SHQ1: variants seen among roughly 807,000 people sequenced by gnomAD.
The protein encoded by SHQ1 is protein SHQ1 homolog.
Under a neutral mutation model 53.8 loss-of-function variants are expected in SHQ1, and 49 were observed. That is an observed-to-expected ratio of 0.91 (90% CI 0.72 to 1.16). The LOEUF is 1.16. Ranked by LOEUF, SHQ1 falls within the 50% of genes most tolerant of loss-of-function variation. SHQ1 has a pLI of 0.00. For synonymous variants in SHQ1, 243 were observed against 251.0 expected (o/e 0.97, Z 0.30); for missense variants, 738 against 683.1 (o/e 1.08, Z -0.90).
intron 10 of SHQ1, among the ~76,000 whole-genome samples, chr3:72,786,451 A>T (rs1400431116): frequency 6.6e-6 from 1 of 152,166 alleles, no homozygotes. Context: ...TCCCTTCTGT[A>T]CTATAACCTA....
intron 10 of SHQ1, among the ~76,000 whole-genome samples, chr3:72,779,145 G>T (rs1234539277): frequency 1.3e-5 from 2 of 152,140 alleles, no homozygotes; most frequent in African/African-American, 4.8e-5. Context: ...GCACTATACT[G>T]TCTGGGCTCT....
At chr3:72,797,554 A>T (rs1031958143) in intron 9 of SHQ1, among the ~76,000 whole-genome samples, 1 of 152,252 alleles carries the variant, frequency 6.6e-6, no homozygotes, top group Non-Finnish European at 1.5e-5. Context: ...CACATTTTAA[A>T]TTATATTTTT....
chr3:72,753,570 G>C (rs1705435149), intron 10 of SHQ1: 3 of 985,412 alleles, frequency 3.0e-6, no homozygotes, highest in Non-Finnish European at 3.6e-6. Context: ...AGTGCGGTGA[G>C]TGGGACAAGG....
At chr3:72,840,752 A>G (rs1708155980) in intron 4 of SHQ1, among the ~76,000 whole-genome samples, 1 of 152,128 alleles carries the variant, frequency 6.6e-6, no homozygotes, top group Non-Finnish European at 1.5e-5. Context: ...CTTTGCAGGA[A>G]GTATGAGAGA....
the SHQ1 span, among the ~76,000 whole-genome samples, chr3:72,743,125 G>A: frequency 4.7e-4 from 72 of 152,302 alleles, no homozygotes; most frequent in African/African-American, 1.6e-3. Context: ...CCCTCTGCAC[G>A]CTACCCTGTT....
Position 72,815,416 on chromosome 3 carries a change from T to C in SHQ1, c.883-13A>G, listed in dbSNP as rs1425199786. On this transcript the variant is annotated splice_polypyrimidine_tract_variant and intron_variant, in intron 7 of 10. Coordinates refer to ENST00000325599, the MANE Select transcript of SHQ1 (RefSeq NM_018130.3). ...ATGCAGATTCAACCTTTATTTGTTT[T>C]GGAGAAAAGAATACCATCACATTAG... 1.2e-6 allele frequency: 2 copies of C among 1,608,984 alleles called. No individual in the cohort carries two copies. Among genetic ancestry groups the C allele is most frequent in the South Asian group, 1.1e-5 (1 of 90,964 alleles).
intron 9 of SHQ1, among the ~76,000 whole-genome samples, chr3:72,803,368 C>T (rs1393102972): frequency 6.6e-6 from 1 of 152,168 alleles, no homozygotes; most frequent in Non-Finnish European, 1.5e-5. Flanking sequence ...TTTCCTTAAA[C>T]CCTAGCATCC....
chr3:72,842,606 T>A (rs1251353463), intron 2 of SHQ1, among the ~76,000 whole-genome samples: 2 of 151,634 alleles, frequency 1.3e-5, no homozygotes, highest in Non-Finnish European at 2.9e-5. Flanking sequence ...AAGAAAAAAA[T>A]AAATAAATAA....
At chr3:72,753,746 TC>T (rs1705439271) in intron 10 of SHQ1, 1 of 555,756 alleles carries the variant, frequency 1.8e-6, no homozygotes, top group Admixed American at 6.3e-5. Context: ...CCCTGGCTAA[TC>T]TTTTATCAGT....
intron 6 of SHQ1, among the ~76,000 whole-genome samples, chr3:72,821,927 C>T (rs1431126202): frequency 6.6e-6 from 1 of 152,192 alleles, no homozygotes; most frequent in East Asian, 1.9e-4. Flanking sequence ...TAACAAGGAA[C>T]TTTCCCTTAA....
At chr3:72,788,614 G>A (rs990185779) in intron 10 of SHQ1, among the ~76,000 whole-genome samples, 4 of 152,218 alleles carry the variant, frequency 2.6e-5, no homozygotes, top group South Asian at 4.1e-4. Context: ...CCATGATGAC[G>A]ATGGCAGTTT....
intron 9 of SHQ1, among the ~76,000 whole-genome samples, chr3:72,804,429 C>A (rs1706878588): frequency 6.6e-6 from 1 of 151,920 alleles, no homozygotes; most frequent in South Asian, 2.1e-4. Context: ...ACCCCCCCAC[C>A]CCGCCACCCT....
intron 9 of SHQ1, among the ~76,000 whole-genome samples, chr3:72,801,203 T>C (rs978913975): frequency 1.3e-5 from 2 of 152,008 alleles, no homozygotes; most frequent in South Asian, 2.1e-4. Context: ...TGAAGATGCA[T>C]GGAAAAAAGC....
At chr3:72,788,796 T>A (rs1366627491) in intron 10 of SHQ1, among the ~76,000 whole-genome samples, 1 of 152,198 alleles carries the variant, frequency 6.6e-6, no homozygotes, top group Non-Finnish European at 1.5e-5. Flanking sequence ...CCGTGCTCTC[T>A]GAAACATGTA....
chr3:72,844,835 G>A (rs1300896614), intron 1 of SHQ1, among the ~76,000 whole-genome samples: 4 of 152,098 alleles, frequency 2.6e-5, no homozygotes, highest in Non-Finnish European at 5.9e-5. Flanking sequence ...CAGTCAAAAA[G>A]CAGTCAAAAC....
In SHQ1 at chr3:72,816,159, A is replaced by T. The variant is rs183489410; in HGVS notation, c.883-756T>A. Among the ~76,000 whole-genome samples the T allele has an allele frequency of 1.1e-4, 16 of 152,312 alleles. No homozygotes were observed. In the East Asian group the frequency reaches 2.9e-3, roughly 28 times the overall value. On this transcript the variant is annotated intron_variant, in intron 7 of 10. Coordinates refer to ENST00000325599, the MANE Select transcript of SHQ1 (RefSeq NM_018130.3). The stretch of plus-strand genomic sequence containing the variant: ...TTTTCAGAATCATGACAACAAAAAA[A>T]ATTGGTACATAGAAAATTCTAACTC...
At chr3:72,822,978 T>C (rs1707525310) in intron 6 of SHQ1, among the ~76,000 whole-genome samples, 1 of 151,890 alleles carries the variant, frequency 6.6e-6, no homozygotes, top group South Asian at 2.1e-4. Context: ...TGAAACCCCG[T>C]CTCTAGTAAA....
At chr3:72,844,462 A>C in intron 1 of SHQ1, 39 bp from the exon 2 acceptor site, 1 of 1,505,300 alleles carries the variant, frequency 6.6e-7, no homozygotes, top group Non-Finnish European at 9.3e-7. Context: ...TCCTTAAATT[A>C]TAACGTAACA....
chr3:72,779,078 C>T (rs908995801), intron 10 of SHQ1, among the ~76,000 whole-genome samples: 5 of 152,174 alleles, frequency 3.3e-5, no homozygotes, highest in African/African-American at 7.2e-5. Flanking sequence ...GAAAATCCTT[C>T]GCTGGCTTCT....
Sources: allele counts gnomAD v4.1 joint callset (sites outside exome capture counted in the v4.1 genomes callset), GRCh38; gene constraint gnomAD v4.1.1; transcripts MANE v1.5; gene names NCBI Gene and HGNC (gene_info 2026-07-23, HGNC 2026-07-21).